The following WASF3 variants were observed in gnomAD, a reference collection of about 807,000 sequenced individuals.
WASF3 encodes the protein actin-binding protein WASF3.
WASF3 carries 11 observed loss-of-function variants against 46.6 expected under a neutral mutation model. The ratio of observed to expected loss-of-function variants is 0.24; its 90% confidence interval spans 0.15 to 0.39. The LOEUF (loss-of-function observed/expected upper bound fraction) is 0.39, where lower values mean the gene tolerates loss of function less well. Ranked by LOEUF, WASF3 falls within the 10% of genes least tolerant of loss-of-function variation. The probability of loss-of-function intolerance (pLI) is 1.00; values close to 1 mark genes in which losing one functional copy is unlikely to be tolerated. For synonymous variants in WASF3, 242 were observed against 259.7 expected (o/e 0.93, Z 0.65); for missense variants, 576 against 669.8 (o/e 0.86, Z 1.55).
intron 2 of WASF3, among the ~76,000 whole-genome samples, chr13:26,625,347 C>T (rs1881433002): frequency 2.6e-5 from 4 of 152,062 alleles, no homozygotes; most frequent in Non-Finnish European, 4.4e-5. Flanking sequence ...TGTCTACAAA[C>T]TGGGGACCCA....
intron 2 of WASF3, among the ~76,000 whole-genome samples, chr13:26,618,365 G>A (rs549673952): frequency 9.2e-5 from 14 of 152,056 alleles, no homozygotes; most frequent in African/African-American, 3.1e-4. Context: ...TGCAATTAAA[G>A]TACCTTTTGA....
chr13:26,672,261 C>T (rs1281064385), intron 6 of WASF3, among the ~76,000 whole-genome samples: 3 of 152,164 alleles, frequency 2.0e-5, no homozygotes, highest in Non-Finnish European at 2.9e-5. Flanking sequence ...TCCTCTCCTG[C>T]GTTCTCAAAT....
chr13:26,575,057 C>T (rs369920160), intron 1 of WASF3, among the ~76,000 whole-genome samples: 2 of 152,192 alleles, frequency 1.3e-5, no homozygotes, highest in Non-Finnish European at 2.9e-5. Context: ...AGGATGGTCT[C>T]GATCTCCTGA....
Position 26,679,999 on chromosome 13 carries a change from T to C in WASF3, c.717-1055T>C, listed in dbSNP as rs983176112. The C allele has an allele frequency of 3.2e-6, 5 of 1,584,094 alleles. No homozygotes were observed. In the African/African-American group the frequency reaches 6.7e-5, roughly 21 times the overall value. ...TGCAGCGTGCATCTTCCCTGCTCCC[T>C]CAGCACCCCCAATGTGTGTTTGGTA... On this transcript the variant is annotated intron_variant, in intron 7 of 9. Transcript: ENST00000335327. This position sits in a 1 kb window ranked among gnomAD's most constrained non-coding sequence, Gnocchi z 4.8.
chr13:26,660,758 A>C (rs1566066537), intron 3 of WASF3, among the ~76,000 whole-genome samples: 1 of 152,200 alleles, frequency 6.6e-6, no homozygotes, highest in Admixed American at 6.5e-5. Flanking sequence ...ACAGTTTTTA[A>C]GTGGACAGTC....
At chr13:26,557,971 T>G (rs1205160774) in intron 1 of WASF3, among the ~76,000 whole-genome samples, 152 bp downstream of exon 1, 2 of 150,166 alleles carry the variant, frequency 1.3e-5, no homozygotes, top group Admixed American at 1.3e-4. Context: ...CGGGGCCCAC[T>G]GCGGGCTGCG....
intron 9 of WASF3, 90 bp downstream of exon 9, chr13:26,683,064 A>G: frequency 2.0e-6 from 3 of 1,497,308 alleles, no homozygotes; most frequent in Non-Finnish European, 2.7e-6. Flanking sequence ...TCTTCAAATG[A>G]CTACTCACTA....
At chr13:26,676,480 C>A (rs1478669101) in intron 6 of WASF3, 69 bp from the exon 7 acceptor site, 6 of 1,543,188 alleles carry the variant, frequency 3.9e-6, no homozygotes, top group Non-Finnish European at 5.3e-6. Flanking sequence ...TGCATTATAA[C>A]TGCATTTAAC....
At chr13:26,591,983 G>C (rs571343832) in intron 1 of WASF3, among the ~76,000 whole-genome samples, 31 of 150,156 alleles carry the variant, frequency 2.1e-4, no homozygotes, top group African/African-American at 7.1e-4. Flanking sequence ...TAACTGGAAA[G>C]ATACTAGGTA....
intron 3 of WASF3, among the ~76,000 whole-genome samples, chr13:26,646,870 C>T (rs571256334): frequency 6.6e-6 from 1 of 152,308 alleles, no homozygotes; most frequent in East Asian, 1.9e-4. Context: ...CCTGATCATT[C>T]TGATTCTTGT....
intron 1 of WASF3, among the ~76,000 whole-genome samples, chr13:26,579,235 C>G (rs1237170340): frequency 6.6e-6 from 1 of 151,636 alleles, no homozygotes; most frequent in Admixed American, 6.6e-5. Flanking sequence ...CCCCTGGCTT[C>G]AAGTGGTCCT....
chr13:26,668,034 A>G (rs964605029), intron 5 of WASF3, among the ~76,000 whole-genome samples: 6 of 152,178 alleles, frequency 3.9e-5, no homozygotes, highest in African/African-American at 1.4e-4. Flanking sequence ...TAATTCATTT[A>G]TAATGCAGCA....
At chr13:26,652,401 C>A (rs1308122672) in intron 3 of WASF3, among the ~76,000 whole-genome samples, 2 of 152,096 alleles carry the variant, frequency 1.3e-5, no homozygotes, top group African/African-American at 4.8e-5. Flanking sequence ...GAGAAGTAGG[C>A]AAACTCAAAA....
chr13:26,629,173 G>A (rs1336379049), intron 2 of WASF3, among the ~76,000 whole-genome samples: 1 of 152,208 alleles, frequency 6.6e-6, no homozygotes, highest in Non-Finnish European at 1.5e-5. Context: ...TGGACTTATC[G>A]ATGATGCAGG....
At chr13:26,585,273 A>G (rs1427783953) in intron 1 of WASF3, among the ~76,000 whole-genome samples, 1 of 152,160 alleles carries the variant, frequency 6.6e-6, no homozygotes, top group Non-Finnish European at 1.5e-5. Flanking sequence ...CCAAATGTAA[A>G]CAGCAGCTGT....
In WASF3 at chr13:26,557,684, T is replaced by C. The variant is rs938856008; in HGVS notation, c.-244T>C. 9 of 163,852 alleles carry C rather than the reference T, an allele frequency of 5.5e-5. No individual in the cohort carries two copies. The highest frequency in any genetic ancestry group is 2.9e-3 in the Middle Eastern group (1 of 344). The allele number at this position is 163,852 out of a possible 1,614,324, so 10.1% of individuals were successfully genotyped here. A position where few individuals can be genotyped will look rare whatever the true frequency, so the allele number is the denominator to read the frequency against. On this transcript the variant is annotated 5_prime_UTR_variant, in exon 1 of 10. Coordinates refer to ENST00000335327, the MANE Select transcript of WASF3 (RefSeq NM_006646.6). ...CCGGGAGGGGGCGTGGCCGCGGCCG[T>C]GGACGGGCCGGAGGCGGCGTCGCTC... is the stretch of plus-strand genomic sequence containing the variant.
upstream of WASF3, among the ~76,000 whole-genome samples, chr13:26,552,958 A>G (rs895670186): frequency 6.6e-6 from 1 of 152,244 alleles, no homozygotes; most frequent in African/African-American, 2.4e-5. Flanking sequence ...AATTAAGAGG[A>G]TGCCTAAGCT....
upstream of WASF3, among the ~76,000 whole-genome samples, chr13:26,554,997 C>A (rs562474630): frequency 6.6e-6 from 1 of 152,168 alleles, no homozygotes; most frequent in African/African-American, 2.4e-5. Context: ...GCATTCCCAT[C>A]GGCAATGGAT....
chr13:26,667,002 T>G (rs553618662), intron 4 of WASF3, among the ~76,000 whole-genome samples: 2 of 152,300 alleles, frequency 1.3e-5, no homozygotes, highest in East Asian at 3.9e-4. Flanking sequence ...ATCAAGCTAC[T>G]TAATTTTTGG....
Sources: allele counts gnomAD v4.1 joint callset (sites outside exome capture counted in the v4.1 genomes callset), GRCh38; gene constraint gnomAD v4.1.1; non-coding constraint Gnocchi (gnomAD v3.1); transcripts MANE v1.5; gene names NCBI Gene and HGNC (gene_info 2026-07-23, HGNC 2026-07-21).